Variants in FOXK1 observed in about 807,000 individuals in gnomAD.
The protein encoded by FOXK1 is forkhead box protein K1.
Under a neutral mutation model 51.9 loss-of-function variants are expected in FOXK1, and 19 were observed. The ratio of observed to expected loss-of-function variants is 0.37; its 90% CI spans 0.26 to 0.54. The LOEUF (loss-of-function observed/expected upper bound fraction) is 0.54, where lower values mean the gene tolerates loss of function less well. Ranked by LOEUF, FOXK1 falls within the 20% of genes least tolerant of loss-of-function variation. The pLI is 0.87. For synonymous variants in FOXK1, 537 were observed against 482.6 expected, an observed-to-expected ratio of 1.11 and a Z score of -1.48; for missense variants, 870 against 1,032.7, an observed-to-expected ratio of 0.84 and a Z score of 2.16.
At chr7:4,760,340 T>C (rs1394505647) in intron 7 of FOXK1, among the ~76,000 whole-genome samples, 1 of 152,120 alleles carries the variant, frequency 6.6e-6, no homozygotes, top group African/African-American at 2.4e-5. Context: ...CCCCAGAAGC[T>C]CCTCTCCGGA....
At position 4,763,211 on chromosome 7, in the gene FOXK1, A is replaced by G. The variant is rs1184299312; in HGVS notation, c.*747A>G. On this transcript the variant is annotated 3_prime_UTR_variant, in exon 9 of 9. Coordinates refer to ENST00000328914, the MANE Select transcript of FOXK1 (RefSeq NM_001037165.2). Reference sequence around the variant, plus strand: ...GAGTAAACCTGCCGCTCTGTCTGATAACTTCAAGTAAGAGCAGCGGCTTCC... The same window carrying G: ...GAGTAAACCTGCCGCTCTGTCTGATGACTTCAAGTAAGAGCAGCGGCTTCC... 1.3e-5 allele frequency: 2 copies of G among 152,182 alleles called. No homozygotes were observed. The highest frequency in any genetic ancestry group is 1.9e-4 in the East Asian group (1 of 5,192). 9.4% of individuals were successfully genotyped at this position (152,182 alleles called of 1,614,324 possible).
rs775990679 is a variant in FOXK1 at position 4,723,780 on chromosome 7, G to A, written c.561-17058G>A. On this transcript the variant is annotated intron_variant, in intron 1 of 8. Transcript: ENST00000328914. This position sits in a 1 kb window ranked among gnomAD's most constrained non-coding sequence, Gnocchi z 4.7. ...CCTCCTGGGCTCAAGCAATCCTCCC[G>A]CCTCAGCCTCCCAAATAGCTGAGAC... is the stretch of plus-strand genomic sequence containing the variant. Among the ~76,000 whole-genome samples, 3 of 152,082 alleles carry A rather than the reference G, an allele frequency of 2.0e-5. No homozygotes were observed. Among genetic ancestry groups the A allele is most frequent in the South Asian group, 4.2e-4 (2 of 4,818 alleles).
chr7:4,721,317 T>C (rs543210273), intron 1 of FOXK1, among the ~76,000 whole-genome samples: 11 of 152,298 alleles, frequency 7.2e-5, no homozygotes, highest in Admixed American at 3.3e-4. Flanking sequence ...GCTGCCGGCC[T>C]AGCCCTGTGT....
chr7:4,683,109 T>C lies in FOXK1; in HGVS notation c.560+241T>C, dbSNP rs1779774315. On this transcript the variant is annotated intron_variant, in intron 1 of 8. Transcript: ENST00000328914. This position sits in a 1 kb window ranked among gnomAD's most constrained non-coding sequence, Gnocchi z 4.5. The stretch of plus-strand genomic sequence containing the variant: ...CTCCAGCCTGAGGATCTCCTCCACT[T>C]TCCCCGGTCTGGATACCCCGTCGCC... Among the ~76,000 whole-genome samples, 1 of 146,220 alleles carries C rather than the reference T, an allele frequency of 6.8e-6. No homozygotes were observed. The highest frequency in any genetic ancestry group is 1.5e-5 in the Non-Finnish European group (1 of 66,552).
In FOXK1 at chr7:4,759,122, G is replaced by A; in HGVS notation, c.1316G>A (p.Cys439Tyr). 6.2e-7 allele frequency: 1 copy of A among 1,612,106 alleles called. No individual in the cohort carries two copies. Among genetic ancestry groups the A allele is most frequent in the Non-Finnish European group, 8.5e-7 (1 of 1,179,880 alleles). ...TCCGGCGGCCTGCAGACCCCAGAGT[G>A]CCTGTCTCGGGAGGGCTCCCCCATT... ...PRSGGLQTPE[C>Y]LSREGSPIPH... is the part of the protein sequence containing the mutation. The change falls in exon 6 of 9, where the codon TGC becomes TAC. Residue 439 changes from cysteine (C) to tyrosine (Y), a missense_variant. Physicochemically the swap from Cys to Tyr is radical, Grantham distance 194 (BLOSUM62 -2). Transcript: ENST00000328914.
intron 1 of FOXK1, among the ~76,000 whole-genome samples, chr7:4,720,750 AGTGCAATGGCGCGATCTCG>A (rs1192344080): frequency 6.8e-6 from 1 of 147,334 alleles, no homozygotes; most frequent in Non-Finnish European, 1.5e-5. Flanking sequence ...CCCAGGGTGG[AGTGCAATGGCGCGATCTCG>A]GTGCAGTGGC....
At chr7:4,740,744 G>A (rs1420653730) in intron 1 of FOXK1, 94 bp from the exon 2 acceptor site, 3 of 1,295,978 alleles carry the variant, frequency 2.3e-6, no homozygotes, top group African/African-American at 3.1e-5. Context: ...TTACGGTCCA[G>A]TTACTTAGAC....
chr7:4,756,760 G>A lies in FOXK1; in HGVS notation c.1051-234G>A, dbSNP rs181507641. On this transcript the variant is annotated intron_variant, in intron 4 of 8. Coordinates refer to ENST00000328914, the MANE Select transcript of FOXK1 (RefSeq NM_001037165.2). This position sits in a 1 kb window ranked among gnomAD's most constrained non-coding sequence, Gnocchi z 4.1. ...ATCCTGGGCGACAGAATGAGACTCC[G>A]TCAAAAAAAAAAAAAAGGTAAAATG... is the stretch of plus-strand genomic sequence containing the variant. Among the ~76,000 whole-genome samples the A allele has an allele frequency of 2.0e-4, 30 of 149,344 alleles. No homozygotes were observed. The highest frequency in any genetic ancestry group is 5.7e-4 in the African/African-American group (23 of 40,646).
In FOXK1 at chr7:4,758,990, G is replaced by T. The variant is rs1362466049; in HGVS notation, c.1245-61G>T. The T allele has an allele frequency of 8.0e-6, 12 of 1,507,794 alleles. No homozygotes were observed. In the East Asian group the frequency reaches 2.7e-4, roughly 34 times the overall value. The allele number at this position is 1,507,794 out of a possible 1,614,324, so 93.4% of individuals were successfully genotyped here. On this transcript the variant is annotated intron_variant, in intron 5 of 8. Coordinates refer to ENST00000328914, the MANE Select transcript of FOXK1 (RefSeq NM_001037165.2). The surrounding 1 kb of genome is among the most constrained non-coding windows in gnomAD (Gnocchi z 4.4). ...CGGCGCTGAGATGCGTGATGTCTCG[G>T]AAACGTCCTCGCATCCCTCAGCGCG...
At chr7:4,688,203 A>G (rs186501514) in intron 1 of FOXK1, among the ~76,000 whole-genome samples, 183 of 146,558 alleles carry the variant, frequency 1.2e-3, no homozygotes, top group South Asian at 0.01. Flanking sequence ...GAAGCAAATC[A>G]CAGATGTCAT....
intron 1 of FOXK1, among the ~76,000 whole-genome samples, chr7:4,716,612 C>T (rs1562376824): frequency 6.6e-6 from 1 of 152,172 alleles, no homozygotes; most frequent in Non-Finnish European, 1.5e-5. Flanking sequence ...GCTGTGGCCA[C>T]GGGCAGGGCC....
intron 2 of FOXK1, among the ~76,000 whole-genome samples, chr7:4,742,779 C>T: frequency 6.6e-6 from 1 of 152,236 alleles, no homozygotes; most frequent in Admixed American, 6.5e-5. Context: ...TCTCTTGGAA[C>T]ACAGCCATCA....
At chr7:4,732,119 A>G (rs1400046308) in intron 1 of FOXK1, among the ~76,000 whole-genome samples, 1 of 152,142 alleles carries the variant, frequency 6.6e-6, no homozygotes, top group Non-Finnish European at 1.5e-5. Context: ...AGCTGTTGTA[A>G]ACGTTTCCAT....
chr7:4,692,107 C>CT (rs1387686810), intron 1 of FOXK1, among the ~76,000 whole-genome samples: 1 of 151,982 alleles, frequency 6.6e-6, no homozygotes, highest in African/African-American at 2.4e-5. Context: ...AATAATAACT[C>CT]TATTTCAAAA....
chr7:4,757,239 C>T, intron 5 of FOXK1, 52 bp downstream of exon 5: 1 of 1,509,800 alleles, frequency 6.6e-7, no homozygotes, highest in Non-Finnish European at 8.9e-7. Flanking sequence ...CTGAGCTGCC[C>T]TGGAGTTTAG....
intron 1 of FOXK1, among the ~76,000 whole-genome samples, chr7:4,737,569 T>TGTGTGC (rs1554253058): frequency 2.6e-5 from 4 of 152,098 alleles, no homozygotes; most frequent in Admixed American, 2.0e-4. Flanking sequence ...TGTGTGTGTG[T>TGTGTGC]GTGTGCATGC....
intron 2 of FOXK1, among the ~76,000 whole-genome samples, chr7:4,742,426 T>G (rs1045073757): frequency 1.3e-5 from 2 of 152,120 alleles, no homozygotes; most frequent in African/African-American, 4.8e-5. Flanking sequence ...GGCTTTTGTT[T>G]GTATTTCAGA....
intron 1 of FOXK1, among the ~76,000 whole-genome samples, chr7:4,691,831 G>T (rs578077957): frequency 2.0e-5 from 3 of 152,244 alleles, no homozygotes; most frequent in Non-Finnish European, 4.4e-5. Context: ...CCTCAGCAGA[G>T]ACCCTGTTAT....
rs572605087 is a variant in FOXK1, at chr7:4,767,372, C to G, written c.*4908C>G. On this transcript the variant is annotated 3_prime_UTR_variant, in exon 9 of 9. Transcript: ENST00000328914. This position sits in a 1 kb window ranked among gnomAD's most constrained non-coding sequence, Gnocchi z 6.6. ...CTCCTCGGCCCTGCGGGCGGCCTGG[C>G]TGCGGTAGGTCTGCTGCAAGGAGCC... The G allele has an allele frequency of 6.6e-6, 1 of 152,404 alleles. No individual in the cohort carries two copies. Among genetic ancestry groups the G allele is most frequent in the East Asian group, 1.9e-4 (1 of 5,186 alleles). 9.4% of individuals were successfully genotyped at this position (152,404 alleles called of 1,614,324 possible).
Sources: gnomAD v4.1 joint callset for allele counts (sites outside exome capture counted in the v4.1 genomes callset) on GRCh38, gnomAD v4.1.1 for gene constraint, Gnocchi (gnomAD v3.1) non-coding constraint, MANE v1.5 for transcripts, NCBI Gene and HGNC (gene_info 2026-07-23, HGNC 2026-07-21) for gene names.